XKR4: variants seen among roughly 807,000 people sequenced by gnomAD.
XKR4 encodes the protein XK related 4, also known as XK-related protein 4.
A neutral mutation model predicts 53.9 loss-of-function variants in XKR4; 12 were observed. The ratio of observed to expected loss-of-function variants is 0.22; its 90% CI spans 0.14 to 0.36. XKR4 has a LOEUF of 0.36. Ranked by LOEUF, XKR4 falls within the 10% of genes least tolerant of loss-of-function variation. The probability of loss-of-function intolerance (pLI) is 1.00; values close to 1 mark genes in which losing one functional copy is unlikely to be tolerated. For missense variants in XKR4, 799 were observed against 859.5 expected, an observed-to-expected ratio of 0.93 and a Z score of 0.88; for synonymous variants, 354 against 362.4, an observed-to-expected ratio of 0.98 and a Z score of 0.26.
At chr8:55,111,477 AG>A (rs1816229490) in intron 1 of XKR4, among the ~76,000 whole-genome samples, 1 of 152,164 alleles carries the variant, frequency 6.6e-6, no homozygotes, top group Admixed American at 6.5e-5. Context: ...GGGACTTTCC[AG>A]GGTTGATAAT....
At chr8:55,390,499 C>T (rs766144667) in intron 2 of XKR4, among the ~76,000 whole-genome samples, 2 of 152,096 alleles carry the variant, frequency 1.3e-5, no homozygotes, top group Admixed American at 1.3e-4. Flanking sequence ...ATATAGGAAA[C>T]CTTAATGTTG....
intron 2 of XKR4, among the ~76,000 whole-genome samples, chr8:55,520,572 T>G (rs990283603): frequency 4.6e-5 from 7 of 152,214 alleles, no homozygotes; most frequent in Non-Finnish European, 7.3e-5. Flanking sequence ...AGTGAGACTC[T>G]GTCTCAAAAA....
chr8:55,148,511 T>A (rs1026613710), intron 1 of XKR4, among the ~76,000 whole-genome samples: 1 of 152,306 alleles, frequency 6.6e-6, no homozygotes, highest in South Asian at 2.1e-4. Context: ...TGTTCAGACC[T>A]AGAATGCAAT....
In XKR4 at chr8:55,331,085, A is replaced by C. The variant is rs117005902; in HGVS notation, c.807-26593A>C. On this transcript the variant is annotated intron_variant, in intron 1 of 2. Coordinates refer to ENST00000327381, the MANE Select transcript of XKR4 (RefSeq NM_052898.2). ...CATCCATTGCCAGAACTTTTCCATC[A>C]CCCCAAACTGAAACTGTACGCATGA... 3.3e-3 allele frequency among the ~76,000 whole-genome samples: 500 copies of C among 152,098 alleles called. 9 individuals are homozygous for C. The East Asian group carries it at 0.035, about 11-fold the overall frequency.
chr8:55,189,664 C>T (rs1158575238), intron 1 of XKR4, among the ~76,000 whole-genome samples: 1 of 152,314 alleles, frequency 6.6e-6, no homozygotes, highest in Non-Finnish European at 1.5e-5. Context: ...TTAGCTTCCA[C>T]TATAATCTTA....
chr8:55,496,864 A>G (rs966188058), intron 2 of XKR4, among the ~76,000 whole-genome samples: 7 of 152,220 alleles, frequency 4.6e-5, no homozygotes, highest in African/African-American at 1.7e-4. Context: ...CATTTAACAG[A>G]TCAGAATTTA....
intron 1 of XKR4, among the ~76,000 whole-genome samples, chr8:55,217,244 A>G (rs1817815634): frequency 6.6e-6 from 1 of 150,540 alleles, no homozygotes; most frequent in South Asian, 2.1e-4. Flanking sequence ...TCTGTCTCAA[A>G]AAAAAAAAAA....
At chr8:55,174,491 G>A (rs1006333068) in intron 1 of XKR4, among the ~76,000 whole-genome samples, 2 of 152,100 alleles carry the variant, frequency 1.3e-5, no homozygotes, top group Admixed American at 1.3e-4. Flanking sequence ...TTCACAAAGT[G>A]CTTGTCATAA....
intron 1 of XKR4, among the ~76,000 whole-genome samples, chr8:55,339,778 G>A (rs1052971484): frequency 1.3e-5 from 2 of 152,132 alleles, no homozygotes; most frequent in Non-Finnish European, 2.9e-5. Context: ...TATTTAATAT[G>A]TCATCATGAA....
intron 2 of XKR4, among the ~76,000 whole-genome samples, chr8:55,402,905 T>C (rs1804624098): frequency 6.6e-6 from 1 of 152,110 alleles, no homozygotes; most frequent in Non-Finnish European, 1.5e-5. Flanking sequence ...TAAGTCAGGG[T>C]GTGCAGCCAC....
chr8:55,492,412 C>A (rs1381172702), intron 2 of XKR4, among the ~76,000 whole-genome samples: 1 of 152,200 alleles, frequency 6.6e-6, no homozygotes, highest in Non-Finnish European at 1.5e-5. Context: ...GATTTTATTT[C>A]TCTTAAACAT....
chr8:55,353,199 A>G (rs1349221929), intron 1 of XKR4, among the ~76,000 whole-genome samples: 4 of 152,222 alleles, frequency 2.6e-5, no homozygotes, highest in Non-Finnish European at 5.9e-5. Context: ...CCTTACAGAT[A>G]CTGAAGTCCT....
intron 2 of XKR4, among the ~76,000 whole-genome samples, chr8:55,379,236 T>TA (rs1804197683): frequency 6.6e-6 from 1 of 152,182 alleles, no homozygotes; most frequent in South Asian, 2.1e-4. Context: ...AATATCAACA[T>TA]AATGCACTCA....
Position 55,148,411 on chromosome 8 carries a change from A to AT in XKR4, c.806+45117_806+45118insT, listed in dbSNP as rs1554563422. 8.1e-3 allele frequency among the ~76,000 whole-genome samples: 1,221 copies of AT among 151,106 alleles called. 13 individuals are homozygous for AT. The highest frequency in any genetic ancestry group is 0.024 in the African/African-American group (972 of 41,234). On this transcript the variant is annotated intron_variant, in intron 1 of 2. Transcript: ENST00000327381. ...CAGAGGAAGACCCTGTCTAAAAAAA[A>AT]ATATATATATATATACCATAGCTTA...
intron 2 of XKR4, among the ~76,000 whole-genome samples, chr8:55,394,913 A>T (rs1222197668): frequency 1.3e-5 from 2 of 152,188 alleles, no homozygotes; most frequent in African/African-American, 4.8e-5. Flanking sequence ...TTGCATTGAA[A>T]TGCCATCCAA....
chr8:55,462,985 G>C lies in XKR4; in HGVS notation c.1007-60296G>C, dbSNP rs150336822. Among the ~76,000 whole-genome samples, 901 of 152,250 alleles carry C rather than the reference G, an allele frequency of 5.9e-3. 9 individuals carry two copies. The highest frequency in any genetic ancestry group is 0.02 in the African/African-American group (840 of 41,550). On this transcript the variant is annotated intron_variant, in intron 2 of 2. Transcript: ENST00000327381. ...CCCAGATTCATAAAGCAAGTCCTTA[G>C]TGACCTACAAAGAGACTTACACTCC...
chr8:55,494,125 GTGTGGGGTCCAGGCA>G (rs1273309502), intron 2 of XKR4, among the ~76,000 whole-genome samples: 1 of 152,254 alleles, frequency 6.6e-6, no homozygotes, highest in Non-Finnish European at 1.5e-5. Context: ...TATGAGTGGA[GTGTGGGGTCCAGGCA>G]TGCTAGCTGC....
intron 2 of XKR4, among the ~76,000 whole-genome samples, chr8:55,449,155 G>GATTT (rs6150588): frequency 0.033 from 4,886 of 150,020 alleles, 109 homozygotes; most frequent in African/African-American, 0.061. Context: ...ATTTATTCTA[G>GATTT]ATTTATTTAT....
intron 1 of XKR4, among the ~76,000 whole-genome samples, chr8:55,297,600 A>T (rs962026312): frequency 6.6e-5 from 10 of 152,210 alleles, no homozygotes; most frequent in Admixed American, 2.6e-4. Flanking sequence ...CTTTATTGGG[A>T]AAGTTATACA....
Sources: gnomAD v4.1 joint callset for allele counts (sites outside exome capture counted in the v4.1 genomes callset) on GRCh38, gnomAD v4.1.1 for gene constraint, MANE v1.5 for transcripts, NCBI Gene and HGNC (gene_info 2026-07-23, HGNC 2026-07-21) for gene names.